The following PPM1H variants were observed in gnomAD, a reference collection of about 807,000 sequenced individuals.
PPM1H encodes the protein protein phosphatase, Mg2+/Mn2+ dependent 1H.
In PPM1H, 27 loss-of-function variants were observed where a neutral mutation model predicts 54.9. The observed-to-expected ratio is 0.49, with a 90% CI of 0.36 to 0.68. PPM1H has a LOEUF of 0.68. PPM1H is among the 30% of genes least tolerant of loss of function. The pLI is 0.00. For missense variants in PPM1H, 596 were observed against 667.8 expected (o/e 0.89, Z 1.19); for synonymous variants, 305 against 270.8 (o/e 1.13, Z -1.24).
intron 4 of PPM1H, among the ~76,000 whole-genome samples, chr12:62,741,829 T>C (rs2076382665): frequency 1.3e-5 from 2 of 152,092 alleles, no homozygotes; most frequent in East Asian, 1.9e-4. Context: ...AGTGGCTAAA[T>C]AGATGAAGGG....
chr12:62,669,491 G>A (rs2075941605), intron 8 of PPM1H, among the ~76,000 whole-genome samples: 1 of 152,130 alleles, frequency 6.6e-6, no homozygotes, highest in African/African-American at 2.4e-5. Flanking sequence ...GAGTAGCAAG[G>A]CCAGAGAGGA....
chr12:62,817,170 A>AAAAAAAAAAAAAACT (rs2076874484), intron 2 of PPM1H, among the ~76,000 whole-genome samples: 1 of 145,946 alleles, frequency 6.9e-6, no homozygotes, highest in Admixed American at 6.9e-5. Flanking sequence ...AGAAAAAAAA[A>AAAAAAAAAAAAAACT]AAAAAAAACT....
intron 9 of PPM1H, among the ~76,000 whole-genome samples, chr12:62,651,001 T>C (rs2075813139): frequency 6.6e-6 from 1 of 152,240 alleles, no homozygotes; most frequent in African/African-American, 2.4e-5. Context: ...ACCAGAGTGA[T>C]GTTTATTATC....
At chr12:62,756,767 C>T (rs1490097856) in intron 4 of PPM1H, among the ~76,000 whole-genome samples, 3 of 151,212 alleles carry the variant, frequency 2.0e-5, no homozygotes, top group Admixed American at 6.6e-5. Context: ...GATGACGGCA[C>T]GTGAAAGCCT....
At chr12:62,756,458 T>A (rs766370888) in intron 4 of PPM1H, among the ~76,000 whole-genome samples, 6 of 152,026 alleles carry the variant, frequency 3.9e-5, no homozygotes, top group African/African-American at 1.4e-4. Flanking sequence ...TGTACATAAG[T>A]AACATATACT....
chr12:62,846,099 A>T (rs1868956601), intron 1 of PPM1H, among the ~76,000 whole-genome samples: 1 of 152,156 alleles, frequency 6.6e-6, no homozygotes, highest in African/African-American at 2.4e-5. Context: ...CTTCTTAGTA[A>T]ATCCTGCACA....
At chr12:62,688,629 T>A (rs908118325) in intron 8 of PPM1H, among the ~76,000 whole-genome samples, 2 of 152,162 alleles carry the variant, frequency 1.3e-5, no homozygotes, top group African/African-American at 2.4e-5. Flanking sequence ...GTAAATTAAC[T>A]TCTCTAAACA....
chr12:62,749,001 G>A (rs1269111305), intron 4 of PPM1H, among the ~76,000 whole-genome samples: 1 of 152,206 alleles, frequency 6.6e-6, no homozygotes, highest in Non-Finnish European at 1.5e-5. Context: ...AAGGACTCCA[G>A]TTACTACTTT....
chr12:62,815,227 G>A (rs146220316), intron 2 of PPM1H, among the ~76,000 whole-genome samples: 1 of 151,860 alleles, frequency 6.6e-6, no homozygotes, highest in East Asian at 1.9e-4. Context: ...CTGCTCTGCA[G>A]TGGAGGAAAA....
chr12:62,769,688 A>G (rs2076566575), intron 4 of PPM1H, among the ~76,000 whole-genome samples: 2 of 152,186 alleles, frequency 1.3e-5, no homozygotes, highest in African/African-American at 4.8e-5. Flanking sequence ...GTGTAAACCA[A>G]AAAGTATCCA....
chr12:62,813,234 G>A (rs905024922), intron 2 of PPM1H, among the ~76,000 whole-genome samples: 8 of 152,170 alleles, frequency 5.3e-5, no homozygotes, highest in Admixed American at 1.3e-4. Flanking sequence ...TTAAGGAAAC[G>A]ACGGTTTTGC....
At chr12:62,883,528 C>T (rs1283871341) in intron 1 of PPM1H, among the ~76,000 whole-genome samples, 1 of 152,040 alleles carries the variant, frequency 6.6e-6, no homozygotes, top group Non-Finnish European at 1.5e-5. Flanking sequence ...TATTCATGAC[C>T]CTTGGATAAA....
intron 1 of PPM1H, among the ~76,000 whole-genome samples, chr12:62,835,636 T>C (rs925825777): frequency 6.6e-6 from 1 of 152,204 alleles, no homozygotes; most frequent in African/African-American, 2.4e-5. Context: ...CCCACCTATG[T>C]AAGCCTGTTT....
intron 1 of PPM1H, among the ~76,000 whole-genome samples, chr12:62,911,888 A>G (rs1871472313): frequency 6.6e-6 from 1 of 152,172 alleles, no homozygotes; most frequent in African/African-American, 2.4e-5. Flanking sequence ...GTGTACTCCA[A>G]TGACACCCCT....
rs571760255 is a variant in PPM1H, at chr12:62,799,543, T to C, written c.756+2273A>G. On this transcript the variant is annotated intron_variant, in intron 3 of 9. Coordinates refer to ENST00000228705, the MANE Select transcript of PPM1H (RefSeq NM_020700.2). ...ACTTGGCATTCTGAGTATTAGTGTC[T>C]AGAAACATTTATTGACATCAGAGCC... is the stretch of plus-strand genomic sequence containing the variant. 3.2e-4 allele frequency among the ~76,000 whole-genome samples: 48 copies of C among 152,328 alleles called. 1 individual carries two copies. The South Asian group carries it at 9.9e-3, about 32-fold the overall frequency.
intron 1 of PPM1H, among the ~76,000 whole-genome samples, chr12:62,878,033 G>A (rs1733173496): frequency 6.6e-6 from 1 of 152,134 alleles, no homozygotes; most frequent in South Asian, 2.1e-4. Context: ...GAGTTGCTGA[G>A]ACTACAGGCG....
At chr12:62,759,570 T>C (rs1007810747) in intron 4 of PPM1H, among the ~76,000 whole-genome samples, 9 of 152,184 alleles carry the variant, frequency 5.9e-5, no homozygotes, top group African/African-American at 2.2e-4. Context: ...TGATTAATCA[T>C]TGCGGGGACG....
At chr12:62,695,825 G>C (rs1445766307) in intron 6 of PPM1H, among the ~76,000 whole-genome samples, 1 of 152,152 alleles carries the variant, frequency 6.6e-6, no homozygotes, top group East Asian at 1.9e-4. Context: ...GCTCAAGGGA[G>C]AGGAGGAAAA....
At chr12:62,657,383 C>G (rs2136600610) in intron 9 of PPM1H, among the ~76,000 whole-genome samples, 1 of 151,404 alleles carries the variant, frequency 6.6e-6, no homozygotes, top group Middle Eastern at 3.4e-3. Flanking sequence ...GGCCACACAG[C>G]TAAGGGGCCA....
Sources: gnomAD v4.1 joint callset for allele counts (sites outside exome capture counted in the v4.1 genomes callset) on GRCh38, gnomAD v4.1.1 for gene constraint, MANE v1.5 for transcripts, NCBI Gene and HGNC (gene_info 2026-07-23, HGNC 2026-07-21) for gene names.